The following CCDC93 variants were observed in gnomAD, a reference collection of about 807,000 sequenced individuals.
CCDC93 encodes CCC complex scaffolding subunit CCDC93, also known as coiled-coil domain-containing protein 93.
CCDC93 carries 61 observed loss-of-function variants against 108.2 expected under a neutral mutation model. The observed-to-expected ratio is 0.56, with a 90% CI of 0.46 to 0.70. CCDC93 has a LOEUF of 0.70. CCDC93 is among the 30% of genes least tolerant of loss of function. CCDC93 has a pLI of 0.00. For synonymous variants in CCDC93, 276 were observed against 260.4 expected (o/e 1.06, Z -0.58); for missense variants, 685 against 764.2 (o/e 0.90, Z 1.22).
At chr2:117,921,111 A>G (rs1446670775) in intron 23 of CCDC93, among the ~76,000 whole-genome samples, 1 of 146,486 alleles carries the variant, frequency 6.8e-6, no homozygotes. Flanking sequence ...CAGGAGGCGG[A>G]GCTTGCAGTG....
chr2:117,974,464 G>C (rs1679867830), intron 10 of CCDC93, among the ~76,000 whole-genome samples: 1 of 152,148 alleles, frequency 6.6e-6, no homozygotes, highest in Admixed American at 6.5e-5. Context: ...CTTCTGGACA[G>C]GCTTTGAGCT....
At chr2:117,923,614 C>T (rs184363488) in intron 23 of CCDC93, among the ~76,000 whole-genome samples, 31 of 152,286 alleles carry the variant, frequency 2.0e-4, no homozygotes, top group African/African-American at 5.5e-4. Context: ...ACAAAGCAGC[C>T]GAGAAGCTCA....
intron 11 of CCDC93, among the ~76,000 whole-genome samples, chr2:117,960,822 T>C (rs1482718076): frequency 2.0e-5 from 3 of 152,238 alleles, no homozygotes; most frequent in Admixed American, 2.0e-4. Context: ...CAGTGACATC[T>C]TCCAGATGTT....
chr2:117,955,363 G>C (rs989910905), intron 12 of CCDC93, among the ~76,000 whole-genome samples: 5 of 151,846 alleles, frequency 3.3e-5, no homozygotes, highest in Non-Finnish European at 7.4e-5. Flanking sequence ...TTGTAAAAGA[G>C]GCTGTGGGAT....
intron 11 of CCDC93, among the ~76,000 whole-genome samples, chr2:117,961,016 T>A (rs1391414202): frequency 6.6e-6 from 1 of 152,172 alleles, no homozygotes; most frequent in East Asian, 1.9e-4. Flanking sequence ...AGTCTTTAAC[T>A]GGGTCCTGAA....
intron 11 of CCDC93, among the ~76,000 whole-genome samples, chr2:117,960,802 C>T (rs1055907854): frequency 1.3e-5 from 2 of 152,176 alleles, no homozygotes; most frequent in African/African-American, 4.8e-5. Flanking sequence ...CTCTCATTCT[C>T]GTGATTATAC....
At chr2:117,988,821 C>G (rs1002222042) in intron 6 of CCDC93, among the ~76,000 whole-genome samples, 1 of 152,216 alleles carries the variant, frequency 6.6e-6, no homozygotes, top group Non-Finnish European at 1.5e-5. Context: ...AGAATTTCCT[C>G]CAGTGACACC....
chr2:118,002,969 T>A (rs1336740674), intron 3 of CCDC93, among the ~76,000 whole-genome samples: 1 of 152,196 alleles, frequency 6.6e-6, no homozygotes, highest in Non-Finnish European at 1.5e-5. Flanking sequence ...GCCTAGGCGT[T>A]TGAGGCTGCA....
At chr2:117,945,409 T>C (rs960447702) in intron 17 of CCDC93, 120 bp downstream of exon 17, 4 of 770,386 alleles carry the variant, frequency 5.2e-6, no homozygotes, top group Non-Finnish European at 6.7e-6. Flanking sequence ...CTGGAACGCC[T>C]AGATGTGGAG....
intron 13 of CCDC93, chr2:117,951,053 T>C (rs772938340): frequency 1.2e-5 from 12 of 970,410 alleles, no homozygotes; most frequent in Non-Finnish European, 1.2e-5. Flanking sequence ...TGATTTAGTA[T>C]TTAGTATAAA....
chr2:117,982,303 A>G (rs1471660874), intron 7 of CCDC93, among the ~76,000 whole-genome samples: 1 of 152,112 alleles, frequency 6.6e-6, no homozygotes, highest in East Asian at 1.9e-4. Context: ...TAGCACGGTT[A>G]GGTGCTTAAG....
At chr2:117,955,441 T>C (rs1385713178) in intron 12 of CCDC93, among the ~76,000 whole-genome samples, 2 of 152,128 alleles carry the variant, frequency 1.3e-5, no homozygotes, top group African/African-American at 4.8e-5. Flanking sequence ...GATGAACAAC[T>C]CAATAGTTTC....
chr2:117,999,973 A>G (rs1356687625), intron 4 of CCDC93: 1 of 152,046 alleles, frequency 6.6e-6, no homozygotes, highest in Admixed American at 6.6e-5. Flanking sequence ...GGAGCTGTAC[A>G]GCACGAGCCA....
intron 14 of CCDC93, 64 bp downstream of exon 14, chr2:117,949,258 C>T: frequency 8.9e-7 from 1 of 1,122,608 alleles, no homozygotes; most frequent in Non-Finnish European, 1.4e-6. Flanking sequence ...ACAAATTAAG[C>T]CAACAAGTAT....
chr2:117,951,200 C>A, intron 13 of CCDC93: 1 of 985,354 alleles, frequency 1.0e-6, no homozygotes, highest in African/African-American at 1.7e-5. Flanking sequence ...AACTTCATGC[C>A]AGGGGCTCTG....
intron 4 of CCDC93, among the ~76,000 whole-genome samples, chr2:118,000,497 C>A (rs1680811184): frequency 6.6e-6 from 1 of 152,038 alleles, no homozygotes; most frequent in African/African-American, 2.4e-5. Flanking sequence ...CAAAGAAAAG[C>A]AAGGAATGAA....
At chr2:118,011,925 A>G (rs1573538373) in intron 1 of CCDC93, among the ~76,000 whole-genome samples, 1 of 152,348 alleles carries the variant, frequency 6.6e-6, no homozygotes, top group South Asian at 2.1e-4. Context: ...CTGGGAATGA[A>G]AGACCCTCTC....
At chr2:118,011,393 G>T (rs902075147) in intron 1 of CCDC93, among the ~76,000 whole-genome samples, 2 of 152,136 alleles carry the variant, frequency 1.3e-5, no homozygotes, top group Middle Eastern at 3.2e-3. Flanking sequence ...GGATCCTGAA[G>T]ATCAGCATTC....
intron 21 of CCDC93, chr2:117,935,885 C>T (rs1678505152): frequency 4.1e-6 from 1 of 241,412 alleles, no homozygotes; most frequent in Non-Finnish European, 7.9e-6. Context: ...TTAACAAAAA[C>T]ATTATTTATT....
Sources: gnomAD v4.1 joint callset for allele counts (sites outside exome capture counted in the v4.1 genomes callset) on GRCh38, gnomAD v4.1.1 for gene constraint, MANE v1.5 for transcripts, NCBI Gene and HGNC (gene_info 2026-07-23, HGNC 2026-07-21) for gene names.